The following RELN variants were observed in gnomAD, a reference collection of about 807,000 sequenced individuals.
RELN encodes reelin.
In RELN, 108 loss-of-function variants were observed where a neutral mutation model predicts 427.6. That is an observed-to-expected ratio of 0.25 (90% CI 0.22 to 0.30). The LOEUF is 0.30. RELN is among the 10% of genes least tolerant of loss of function. The pLI is 1.00. For synonymous variants in RELN, 1,524 were observed against 1,513.4 expected (o/e 1.01, Z -0.16); for missense variants, 3,715 against 4,302.8 (o/e 0.86, Z 3.82).
At chr7:103,496,450 T>C (rs550723056) in intron 56 of RELN, 76 bp downstream of exon 56, 1 of 1,585,730 alleles carries the variant, frequency 6.3e-7, no homozygotes, top group Admixed American at 1.7e-5. Flanking sequence ...ATGCTTTTCA[T>C]GTGCTAATCT....
At chr7:103,541,741 C>G (rs150539468) in intron 43 of RELN, among the ~76,000 whole-genome samples, 1 of 152,258 alleles carries the variant, frequency 6.6e-6, no homozygotes, top group East Asian at 1.9e-4. Context: ...TATTTGGGAA[C>G]ACCTAATAAT....
In RELN at chr7:103,755,352, T is replaced by TA. The variant is rs1791109221; in HGVS notation, c.545-2139dup. On this transcript the variant is annotated intron_variant, in intron 4 of 64. Coordinates refer to ENST00000428762, the MANE Select transcript of RELN (RefSeq NM_005045.4). ...GGCCAGGCGCAGTGGCTCACGCCTG[T>TA]AATCCCAGCACTTTGGGAGGCCGAG... is the stretch of plus-strand genomic sequence containing the variant. Among the ~76,000 whole-genome samples, 10 of 152,160 alleles carry TA rather than the reference T, an allele frequency of 6.6e-5. No homozygotes were observed. In the South Asian group the frequency reaches 2.1e-3, roughly 32 times the overall value.
At position 103,968,422 on chromosome 7, in the gene RELN, T is replaced by A. The variant is rs546721397; in HGVS notation, c.226+20709A>T. On this transcript the variant is annotated intron_variant, in intron 1 of 64. Transcript: ENST00000428762. This position sits in a 1 kb window ranked among gnomAD's most constrained non-coding sequence, Gnocchi z 4.3. Reference sequence around the variant, plus strand: ...TGCCCTTTCATCAGTTGGTTTGACATCAGGTCTGCAGGCACCATGCGTTGC... The same window carrying A: ...TGCCCTTTCATCAGTTGGTTTGACAACAGGTCTGCAGGCACCATGCGTTGC... Among the ~76,000 whole-genome samples, 5 of 152,202 alleles carry A rather than the reference T, an allele frequency of 3.3e-5. No individual in the cohort carries two copies. Among genetic ancestry groups the A allele is most frequent in the African/African-American group, 1.2e-4 (5 of 41,532 alleles).
chr7:103,977,002 GGTT>G (rs1322038797), intron 1 of RELN, among the ~76,000 whole-genome samples: 1 of 151,994 alleles, frequency 6.6e-6, no homozygotes, highest in South Asian at 2.1e-4. Context: ...TTCCCTCGCA[GGTT>G]GTTAAGTGTA....
rs1562974833 is a variant in RELN, at chr7:103,728,122, G to A, written c.742C>T (p.Pro248Ser). 3.7e-6 allele frequency: 6 copies of A among 1,613,700 alleles called. No homozygotes were observed. The highest frequency in any genetic ancestry group is 5.1e-6 in the Non-Finnish European group (6 of 1,179,806). Residue 248 changes from proline (P) to serine (S), a missense_variant, in exon 7 of 65, where the codon CCA (proline) becomes TCA (serine). Physicochemically the swap from Pro to Ser is moderately conservative, Grantham distance 74. This residue lies in a region of RELN where 2,208 missense variants were observed against 2,361.7 expected (regional missense o/e 0.93). Coordinates refer to ENST00000428762, the MANE Select transcript of RELN (RefSeq NM_005045.4). ...NAVTFCEPYG[P>S]RELITTGLNT... Reference sequence around the variant, plus strand: ...TAGCACATACTTACCAGTTCTCGTGGGCCATATGGTTCACAGAAGGTGACG... The same window carrying A: ...TAGCACATACTTACCAGTTCTCGTGAGCCATATGGTTCACAGAAGGTGACG...
At chr7:103,889,923 C>T (rs1379306265) in intron 2 of RELN, among the ~76,000 whole-genome samples, 1 of 152,156 alleles carries the variant, frequency 6.6e-6, no homozygotes, top group Admixed American at 6.5e-5. Context: ...CTTTCCAATT[C>T]TGATTTAGTT....
chr7:103,797,567 T>C (rs183283560), intron 3 of RELN, among the ~76,000 whole-genome samples: 17 of 152,324 alleles, frequency 1.1e-4, no homozygotes, highest in Non-Finnish European at 1.0e-4. Flanking sequence ...ATTTTACTAG[T>C]TTTTTTATTT....
chr7:103,730,869 T>G (rs580884), intron 6 of RELN, among the ~76,000 whole-genome samples: 36,248 of 152,038 alleles, frequency 0.24, 4,553 homozygotes, highest in Middle Eastern at 0.34. Flanking sequence ...AACCCTCTCT[T>G]AGATGCCAAT....
intron 2 of RELN, among the ~76,000 whole-genome samples, chr7:103,872,039 T>C (rs1794352045): frequency 9.5e-6 from 1 of 104,934 alleles, no homozygotes; most frequent in Non-Finnish European, 2.3e-5. Flanking sequence ...TATTTTTCTT[T>C]TTTCTTTTTT....
At chr7:103,889,354 C>G (rs541162988) in intron 2 of RELN, among the ~76,000 whole-genome samples, 1 of 152,310 alleles carries the variant, frequency 6.6e-6, no homozygotes, top group South Asian at 2.1e-4. Flanking sequence ...GCACTGACAA[C>G]AGAGGACAGA....
At chr7:103,967,823 T>C (rs1796689684) in intron 1 of RELN, among the ~76,000 whole-genome samples, 1 of 152,200 alleles carries the variant, frequency 6.6e-6, no homozygotes, top group South Asian at 2.1e-4. Flanking sequence ...CCTGTCAAAA[T>C]TTCAAGCTTC....
intron 20 of RELN, among the ~76,000 whole-genome samples, chr7:103,628,903 C>T (rs767254921): frequency 5.9e-5 from 9 of 152,114 alleles, no homozygotes; most frequent in Non-Finnish European, 8.8e-5. Flanking sequence ...GCCTAGAAGA[C>T]CCTAAAAGAT....
intron 3 of RELN, 142 bp from the exon 4 acceptor site, chr7:103,776,769 T>G: frequency 4.6e-6 from 4 of 864,188 alleles, no homozygotes; most frequent in Non-Finnish European, 7.5e-6. Context: ...AAGAGTGATA[T>G]AAATAACATG....
intron 7 of RELN, among the ~76,000 whole-genome samples, chr7:103,723,573 T>C (rs113901533): frequency 1.3e-5 from 2 of 152,140 alleles, no homozygotes; most frequent in Non-Finnish European, 2.9e-5. Flanking sequence ...AAAGAGAATG[T>C]AGCAAAAGGG....
At chr7:103,904,121 CTG>C (rs1338492738) in intron 2 of RELN, among the ~76,000 whole-genome samples, 1 of 152,036 alleles carries the variant, frequency 6.6e-6, no homozygotes. Flanking sequence ...TTTTCTATTC[CTG>C]TGTTAGTTTG....
At chr7:103,564,359 G>A (rs1166014170) in intron 34 of RELN, among the ~76,000 whole-genome samples, 2 of 152,208 alleles carry the variant, frequency 1.3e-5, no homozygotes, top group Admixed American at 6.5e-5. Context: ...ATAGCAAGTG[G>A]CAGAGCAGAG....
chr7:103,590,119 AG>A (rs1831375771), intron 27 of RELN, among the ~76,000 whole-genome samples: 2 of 152,228 alleles, frequency 1.3e-5, no homozygotes, highest in Non-Finnish European at 2.9e-5. Flanking sequence ...CTCAGACAAA[AG>A]ATATGCCAAG....
intron 8 of RELN, among the ~76,000 whole-genome samples, chr7:103,716,204 C>T (rs1789935207): frequency 6.6e-6 from 1 of 152,178 alleles, no homozygotes; most frequent in Non-Finnish European, 1.5e-5. Context: ...ATGAAGTCCT[C>T]CCTCCAGCCC....
intron 12 of RELN, among the ~76,000 whole-genome samples, chr7:103,658,795 C>A (rs1833075899): frequency 6.6e-6 from 1 of 151,884 alleles, no homozygotes. Flanking sequence ...CAGCCCTTAT[C>A]CTGGTTGATC....
Sources: gnomAD v4.1 joint callset for allele counts (sites outside exome capture counted in the v4.1 genomes callset) on GRCh38, gnomAD v4.1.1 for gene constraint, gnomAD v4.1.1 regional missense constraint, Gnocchi (gnomAD v3.1) non-coding constraint, MANE v1.5 for transcripts, NCBI Gene and HGNC (gene_info 2026-07-23, HGNC 2026-07-21) for gene names.